RPRD2: variants seen among roughly 807,000 people sequenced by gnomAD.
RPRD2 encodes regulation of nuclear pre-mRNA domain containing 2, also known as regulation of nuclear pre-mRNA domain-containing protein 2.
A neutral mutation model predicts 104.4 loss-of-function variants in RPRD2; 12 were observed. That is an observed-to-expected ratio of 0.11 (90% confidence interval 0.07 to 0.19). The LOEUF is 0.19. Among genes scored for constraint, RPRD2 ranks in the 10% least tolerant of loss-of-function variants. The probability of loss-of-function intolerance (pLI) is 1.00; values close to 1 mark genes in which losing one functional copy is unlikely to be tolerated. For missense variants in RPRD2, 1,543 were observed against 1,790.1 expected, an observed-to-expected ratio of 0.86 and a Z score of 2.49; for synonymous variants, 714 against 684.9, an observed-to-expected ratio of 1.04 and a Z score of -0.66.
chr1:150,455,214 A>G, intron 7 of RPRD2, among the ~76,000 whole-genome samples: 1 of 152,156 alleles, frequency 6.6e-6, no homozygotes, highest in Non-Finnish European at 1.5e-5. Context: ...AAAACCAGTG[A>G]AAGTCCAGGC....
intron 1 of RPRD2, among the ~76,000 whole-genome samples, chr1:150,399,151 G>A (rs1436988605): frequency 6.6e-6 from 1 of 151,940 alleles, no homozygotes; most frequent in African/African-American, 2.4e-5. Context: ...ACAGACGCAA[G>A]CCTCCTCACC....
At chr1:150,431,866 G>A (rs868984371) in intron 2 of RPRD2, among the ~76,000 whole-genome samples, 2 of 152,064 alleles carry the variant, frequency 1.3e-5, no homozygotes, top group Non-Finnish European at 2.9e-5. Flanking sequence ...GTCACAAAAA[G>A]ACAAGTATTA....
chr1:150,434,471 A>G (rs1414334700), intron 2 of RPRD2, among the ~76,000 whole-genome samples: 1 of 152,174 alleles, frequency 6.6e-6, no homozygotes, highest in Admixed American at 6.5e-5. Flanking sequence ...AAGTTTAGGA[A>G]CGTTAAGTAT....
At chr1:150,366,554 T>A (rs1290672231) in intron 1 of RPRD2, among the ~76,000 whole-genome samples, 5 of 152,224 alleles carry the variant, frequency 3.3e-5, no homozygotes, top group African/African-American at 1.2e-4. Flanking sequence ...GTATCTGCTA[T>A]GTGCCCAGTC....
chr1:150,463,659 T>G lies in RPRD2; in HGVS notation c.1412-868T>G, dbSNP rs587645470. ...TAAAGATCAACCCAGTGTTTTTAAA[T>G]GTAAAAATATAAAGGAAATTTCTTA... On this transcript the variant is annotated intron_variant, in intron 9 of 10. Coordinates refer to ENST00000369068, the MANE Select transcript of RPRD2 (RefSeq NM_015203.5). 2.0e-5 allele frequency among the ~76,000 whole-genome samples: 3 copies of G among 152,340 alleles called. No homozygotes were observed. The East Asian group carries it at 5.8e-4, about 29-fold the overall frequency.
At chr1:150,450,026 C>A (rs1667047877) in intron 7 of RPRD2, among the ~76,000 whole-genome samples, 1 of 152,018 alleles carries the variant, frequency 6.6e-6, no homozygotes, top group African/African-American at 2.4e-5. Flanking sequence ...ATACTTTATT[C>A]TGTTGAATCT....
intron 2 of RPRD2, among the ~76,000 whole-genome samples, chr1:150,435,277 A>G (rs1394407006): frequency 2.0e-5 from 3 of 152,136 alleles, no homozygotes; most frequent in Admixed American, 1.3e-4. Flanking sequence ...AGACACCACA[A>G]TATCGAAATT....
intron 1 of RPRD2, among the ~76,000 whole-genome samples, chr1:150,393,290 C>T (rs1662229083): frequency 6.6e-6 from 1 of 151,518 alleles, no homozygotes; most frequent in South Asian, 2.1e-4. Context: ...GGCAACATGG[C>T]AAAATCGCAT....
Position 150,378,887 on chromosome 1 carries a change from G to T in RPRD2, c.205+13968G>T, listed in dbSNP as rs1352635009. On this transcript the variant is annotated intron_variant, in intron 1 of 10. Transcript: ENST00000369068. ...AATCCCAACCACTTGGGAGGCTGAGGCAGGATAATCCCTTGGACCCGGAGG... is the reference window on the plus strand; with the variant it reads ...AATCCCAACCACTTGGGAGGCTGAGTCAGGATAATCCCTTGGACCCGGAGG... 2.6e-5 allele frequency among the ~76,000 whole-genome samples: 4 copies of T among 151,190 alleles called. No individual in the cohort carries two copies. The East Asian group carries it at 7.8e-4, about 30-fold the overall frequency.
intron 1 of RPRD2, among the ~76,000 whole-genome samples, chr1:150,411,788 C>CA (rs71086508): frequency 0.023 from 1,636 of 70,614 alleles, 204 homozygotes; most frequent in African/African-American, 0.04. Context: ...TAGACTGTCT[C>CA]AAAAAAAAAA....
At chr1:150,416,749 G>T (rs868991324) in intron 1 of RPRD2, among the ~76,000 whole-genome samples, 1 of 151,904 alleles carries the variant, frequency 6.6e-6, no homozygotes, top group Non-Finnish European at 1.5e-5. Flanking sequence ...GTGCACACCT[G>T]TAGTCCCATC....
rs1553876917 is a variant in RPRD2, at chr1:150,364,879, C to T, written c.165C>T (p.His55=). 6.2e-7 allele frequency: 1 copy of T among 1,614,000 alleles called. No homozygotes were observed. The highest frequency in any genetic ancestry group is 1.7e-5 in the Admixed American group (1 of 60,030). ...SSWCIENKKH[H]STIVYHWMKW... is the part of the protein sequence containing the mutation. The stretch of plus-strand genomic sequence containing the variant: ...GGTGTATAGAGAACAAAAAACACCA[C>T]AGTACTATCGTCTATCATTGGATGA... Residue 55 remains histidine, a synonymous_variant, in exon 1 of 11, where the codon CAC becomes CAT. Coordinates refer to ENST00000369068, the MANE Select transcript of RPRD2 (RefSeq NM_015203.5).
At chr1:150,382,585 C>T (rs1201761026) in intron 1 of RPRD2, among the ~76,000 whole-genome samples, 2 of 152,170 alleles carry the variant, frequency 1.3e-5, no homozygotes, top group Non-Finnish European at 2.9e-5. Flanking sequence ...TCTTGAACTC[C>T]TGACCTCAGG....
At chr1:150,426,970 C>A (rs888214957) in intron 2 of RPRD2, among the ~76,000 whole-genome samples, 6 of 151,140 alleles carry the variant, frequency 4.0e-5, no homozygotes, top group Admixed American at 2.7e-4. Flanking sequence ...CATAGTGAAA[C>A]CCTGTCTCTA....
At chr1:150,417,206 T>C (rs922211471) in intron 1 of RPRD2, among the ~76,000 whole-genome samples, 2 of 152,160 alleles carry the variant, frequency 1.3e-5, no homozygotes, top group African/African-American at 2.4e-5. Flanking sequence ...TTTGAGACTA[T>C]AATTTTGTTT....
rs769790200 is a variant in RPRD2, at chr1:150,473,180, G to A, written c.4232G>A (p.Gly1411Asp). The A allele has an allele frequency of 1.2e-6, 2 of 1,613,994 alleles. No individual in the cohort carries two copies. The highest frequency in any genetic ancestry group is 2.2e-5 in the South Asian group (2 of 91,084). ...PSHRDTISRS[G>D]IILRSPRPDF... Reference sequence around the variant, plus strand: ...CACAGAGACACCATCAGCCGGAGTGGTATAATCTTACGGAGTCCCCGGCCA... The same window carrying A: ...CACAGAGACACCATCAGCCGGAGTGATATAATCTTACGGAGTCCCCGGCCA... Residue 1411 changes from glycine (G) to aspartate (D), a missense_variant, in exon 11 of 11, where the codon GGT becomes GAT. Gly to Asp is a moderately conservative substitution (Grantham distance 94). Transcript: ENST00000369068.
In RPRD2 at chr1:150,472,135, A is replaced by C. The variant is rs1335587022; in HGVS notation, c.3187A>C (p.Ile1063Leu). 2 of 1,613,736 alleles carry C rather than the reference A, an allele frequency of 1.2e-6. No individual in the cohort carries two copies. Among genetic ancestry groups the C allele is most frequent in the Admixed American group, 3.3e-5 (2 of 59,992 alleles). Residue 1063 changes from isoleucine to leucine, a missense_variant, in exon 11 of 11, where the codon ATA becomes CTA. By Grantham distance (5) the Ile-to-Leu change is conservative. Transcript: ENST00000369068. Reference sequence around the variant, plus strand: ...GCAGCAACAAGAAGAGCACTACCGCATAGAAACCCGCGTCTCCTCCTCCTG... The same window carrying C: ...GCAGCAACAAGAAGAGCACTACCGCCTAGAAACCCGCGTCTCCTCCTCCTG... The part of the protein sequence containing the change: ...DQQQQEEHYR[I>L]ETRVSSSCLD...
intron 7 of RPRD2, among the ~76,000 whole-genome samples, chr1:150,447,090 C>T (rs1666832799): frequency 6.6e-6 from 1 of 151,986 alleles, no homozygotes; most frequent in African/African-American, 2.4e-5. Flanking sequence ...CTGCCTTGGT[C>T]CCGCAAAGTG....
chr1:150,446,333 A>G lies in RPRD2; in HGVS notation c.802A>G (p.Thr268Ala). Reference sequence around the variant, plus strand: ...GCAGGTGAAAAACGGACCCTCATTAACAGAAGCACTGGAAAATGCTGGAAT... The same window carrying G: ...GCAGGTGAAAAACGGACCCTCATTAGCAGAAGCACTGGAAAATGCTGGAAT... Reference protein sequence around the residue: ...DKQVKNGPSLTEALENAGIFY... With the variant: ...DKQVKNGPSLAEALENAGIFY... The change falls in exon 7 of 11, where the codon ACA (threonine) becomes GCA (alanine). Residue 268 changes from threonine (T) to alanine (A), a missense_variant. Around this residue, in one of 4 missense-constraint regions of RPRD2, gnomAD observed 572 missense variants for 787.3 expected, o/e 0.73. Coordinates refer to ENST00000369068, the MANE Select transcript of RPRD2 (RefSeq NM_015203.5). The G allele has an allele frequency of 6.2e-7, 1 of 1,612,604 alleles. No individual in the cohort carries two copies. The highest frequency in any genetic ancestry group is 8.5e-7 in the Non-Finnish European group (1 of 1,179,676).
Sources: gnomAD v4.1 joint callset for allele counts (sites outside exome capture counted in the v4.1 genomes callset) on GRCh38, gnomAD v4.1.1 for gene constraint, gnomAD v4.1.1 regional missense constraint, MANE v1.5 for transcripts, NCBI Gene and HGNC (gene_info 2026-07-23, HGNC 2026-07-21) for gene names.